The following TBX15 variants were observed in gnomAD, a reference collection of about 807,000 sequenced individuals.
TBX15 encodes T-box transcription factor TBX15.
A neutral mutation model predicts 53.9 loss-of-function variants in TBX15; 18 were observed. That is an observed-to-expected ratio of 0.33 (90% CI 0.23 to 0.49). The LOEUF (loss-of-function observed/expected upper bound fraction) is 0.49. Among genes scored for constraint, TBX15 ranks in the 20% least tolerant of loss-of-function variants. TBX15 has a pLI of 0.98. For missense variants in TBX15, 692 were observed against 749.5 expected (o/e 0.92, Z 0.90); for synonymous variants, 295 against 278.0 (o/e 1.06, Z -0.61).
chr1:118,987,292 G>A (rs1441029984), intron 1 of TBX15, among the ~76,000 whole-genome samples: 1 of 152,210 alleles, frequency 6.6e-6, no homozygotes, highest in Non-Finnish European at 1.5e-5. Context: ...CCAGGGACCG[G>A]CAGCCCTTCA....
intron 1 of TBX15, among the ~76,000 whole-genome samples, chr1:118,968,670 G>C (rs1401181576): frequency 6.6e-6 from 1 of 152,184 alleles, no homozygotes. Context: ...GAAAGACCCA[G>C]AAGTTCTCAG....
Position 118,898,308 on chromosome 1 carries a change from G to A in TBX15, c.1024+720C>T, listed in dbSNP as rs144942023. Among the ~76,000 whole-genome samples the A allele has an allele frequency of 1.5e-3, 235 of 152,226 alleles. 1 individual carries two copies. The highest frequency in any genetic ancestry group is 5.3e-3 in the African/African-American group (222 of 41,556). ...TGTGCAAAATGTTAGAAGCTCCCCTGAAAAGGGTAAGTTAAATATAATATA... is the reference window on the plus strand; with the variant it reads ...TGTGCAAAATGTTAGAAGCTCCCCTAAAAAGGGTAAGTTAAATATAATATA... On this transcript the variant is annotated intron_variant, in intron 7 of 7. Coordinates refer to ENST00000369429, the MANE Select transcript of TBX15 (RefSeq NM_001330677.2).
chr1:118,917,611 T>C (rs889735799), intron 5 of TBX15, among the ~76,000 whole-genome samples: 2 of 152,192 alleles, frequency 1.3e-5, no homozygotes, highest in Non-Finnish European at 2.9e-5. Context: ...AGGCCCTATG[T>C]AAGCATGAAT....
intron 1 of TBX15, among the ~76,000 whole-genome samples, chr1:118,965,201 G>A (rs1657000162): frequency 6.6e-6 from 1 of 152,178 alleles, no homozygotes; most frequent in Non-Finnish European, 1.5e-5. Context: ...TTAAAGTAAT[G>A]ATTGGTAATA....
intron 6 of TBX15, among the ~76,000 whole-genome samples, chr1:118,902,927 G>T: frequency 6.6e-6 from 1 of 152,064 alleles, no homozygotes; most frequent in East Asian, 1.9e-4. Flanking sequence ...TGAATTCATT[G>T]TCTAACGGGT....
At chr1:118,965,624 CATGGAGTCTT>C (rs1657013691) in intron 1 of TBX15, among the ~76,000 whole-genome samples, 1 of 152,052 alleles carries the variant, frequency 6.6e-6, no homozygotes, top group African/African-American at 2.4e-5. Flanking sequence ...CAAAAATAAT[CATGGAGTCTT>C]ATTTAAAGAA....
intron 1 of TBX15, among the ~76,000 whole-genome samples, chr1:118,978,280 G>C (rs565212420): frequency 1.3e-5 from 2 of 152,280 alleles, no homozygotes; most frequent in East Asian, 3.8e-4. Flanking sequence ...TGCTATTGCT[G>C]TTAATTTCTA....
At chr1:118,886,252 A>G (rs1169356877) in intron 7 of TBX15, among the ~76,000 whole-genome samples, 1 of 152,240 alleles carries the variant, frequency 6.6e-6, no homozygotes, top group East Asian at 1.9e-4. Flanking sequence ...GTCCATTCTC[A>G]GAGACTGGAA....
intron 1 of TBX15, among the ~76,000 whole-genome samples, chr1:118,979,787 G>C (rs971546064): frequency 6.6e-6 from 1 of 152,184 alleles, no homozygotes; most frequent in Non-Finnish European, 1.5e-5. Context: ...CCAGGGTCCC[G>C]GGTTTCCAAG....
chr1:118,894,659 A>C (rs1617615), intron 7 of TBX15, among the ~76,000 whole-genome samples: 1 of 151,828 alleles, frequency 6.6e-6, no homozygotes, highest in African/African-American at 2.4e-5. Context: ...GTAATGGTTG[A>C]GCATGGGGGT....
chr1:118,884,424 T>G lies in TBX15; in HGVS notation c.*308A>C. ...TGGCTGCCACACACTAGCATCTCCC[T>G]TAACATTATGACGAAGTGATTATTC... On this transcript the variant is annotated 3_prime_UTR_variant, in exon 8 of 8. Coordinates refer to ENST00000369429, the MANE Select transcript of TBX15 (RefSeq NM_001330677.2). The G allele has an allele frequency of 2.3e-6, 1 of 427,230 alleles. No homozygotes were observed. Among genetic ancestry groups the G allele is most frequent in the East Asian group, 4.7e-5 (1 of 21,332 alleles). 26.5% of individuals were successfully genotyped at this position (427,230 alleles called of 1,614,324 possible). A position where few individuals can be genotyped will look rare whatever the true frequency, so the allele number is the denominator to read the frequency against.
chr1:118,886,580 T>C (rs551234151), intron 7 of TBX15, among the ~76,000 whole-genome samples: 1 of 152,328 alleles, frequency 6.6e-6, no homozygotes, highest in East Asian at 1.9e-4. Flanking sequence ...ACATCAGTAT[T>C]GTTTTAAAAG....
intron 7 of TBX15, among the ~76,000 whole-genome samples, chr1:118,888,955 C>T (rs1654043440): frequency 6.6e-6 from 1 of 151,368 alleles, no homozygotes; most frequent in Non-Finnish European, 1.5e-5. Flanking sequence ...TAACAAGTTA[C>T]AGGGATTTCT....
chr1:118,899,573 G>A (rs559429660), intron 6 of TBX15, among the ~76,000 whole-genome samples: 1 of 152,110 alleles, frequency 6.6e-6, no homozygotes, highest in Non-Finnish European at 1.5e-5. Context: ...TGTACAGAAC[G>A]AATGGAACTG....
In TBX15 at chr1:118,926,546, G is replaced by C. The variant is rs761093091; in HGVS notation, c.485C>G (p.Ala162Gly). ...GLDPHQQYYI[A>G]MDIVPVDNKR... ...ATTGTCCACAGGCACAATGTCCATT[G>C]CTATGTAGTACTGCTGATGTGGATC... The change falls in exon 3 of 8, where the codon GCA becomes GGA. Residue 162 changes from alanine (A) to glycine (G), a missense_variant. Transcript: ENST00000369429. The C allele has an allele frequency of 1.9e-6, 3 of 1,613,910 alleles. No homozygotes were observed. In the South Asian group the frequency reaches 3.3e-5, roughly 18 times the overall value.
upstream of TBX15, among the ~76,000 whole-genome samples, chr1:118,988,866 A>T (rs1657932538): frequency 6.6e-6 from 1 of 152,240 alleles, no homozygotes; most frequent in South Asian, 2.1e-4. Context: ...AAGGAAACAA[A>T]CAAACAAGCA....
chr1:118,893,494 G>GAAAGAA (rs1654269305), intron 7 of TBX15, among the ~76,000 whole-genome samples: 1 of 103,392 alleles, frequency 9.7e-6, no homozygotes, highest in Non-Finnish European at 1.8e-5. Context: ...AGGAAAGAAA[G>GAAAGAA]AAAGAAAGAA....
At chr1:118,908,946 G>A (rs1412829741) in intron 6 of TBX15, among the ~76,000 whole-genome samples, 1 of 133,636 alleles carries the variant, frequency 7.5e-6, no homozygotes, top group Non-Finnish European at 1.7e-5. Flanking sequence ...ACACACACAT[G>A]CATGCATGCT....
chr1:118,985,881 A>C (rs971442681), intron 1 of TBX15, among the ~76,000 whole-genome samples: 2 of 152,186 alleles, frequency 1.3e-5, no homozygotes, highest in South Asian at 2.1e-4. Context: ...TCATTCCCTA[A>C]GTTTTCTCTC....
Sources: gnomAD v4.1 joint callset for allele counts (sites outside exome capture counted in the v4.1 genomes callset) on GRCh38, gnomAD v4.1.1 for gene constraint, MANE v1.5 for transcripts, NCBI Gene and HGNC (gene_info 2026-07-23, HGNC 2026-07-21) for gene names.